EFL1: variants seen among roughly 807,000 people sequenced by gnomAD.
EFL1 encodes elongation factor like GTPase 1.
In EFL1, 76 loss-of-function variants were observed where a neutral mutation model predicts 126.7. The observed-to-expected ratio is 0.60, with a 90% CI of 0.50 to 0.73. The LOEUF is 0.73. Ranked by LOEUF, EFL1 falls within the 30% of genes least tolerant of loss-of-function variation. The pLI is 0.00. For synonymous variants in EFL1, 410 were observed against 448.4 expected, an observed-to-expected ratio of 0.91 and a Z score of 1.08; for missense variants, 1,128 against 1,343.2, an observed-to-expected ratio of 0.84 and a Z score of 2.50.
intron 15 of EFL1, among the ~76,000 whole-genome samples, chr15:82,208,665 C>T (rs73436926): frequency 0.013 from 2,011 of 151,852 alleles, 41 homozygotes; most frequent in African/African-American, 0.047. Context: ...AATTCAAGGA[C>T]GCCTTAATAA....
chr15:82,187,015 T>C (rs1842956218), intron 15 of EFL1, among the ~76,000 whole-genome samples: 1 of 152,208 alleles, frequency 6.6e-6, no homozygotes, highest in South Asian at 2.1e-4. Context: ...GAACTCTGAG[T>C]AGACATTACC....
intron 17 of EFL1, among the ~76,000 whole-genome samples, chr15:82,156,953 T>G (rs2073974718): frequency 6.6e-6 from 1 of 152,206 alleles, no homozygotes; most frequent in African/African-American, 2.4e-5. Flanking sequence ...TTCAAATATT[T>G]ATTGCTAGTT....
intron 7 of EFL1, 152 bp from the exon 8 acceptor site, chr15:82,231,123 A>G: frequency 4.3e-6 from 4 of 926,862 alleles, no homozygotes; most frequent in Non-Finnish European, 6.3e-6. Flanking sequence ...AATGAAGCAG[A>G]GATATCACAC....
At chr15:82,159,625 T>G (rs2074002607) in intron 16 of EFL1, among the ~76,000 whole-genome samples, 1 of 152,304 alleles carries the variant, frequency 6.6e-6, no homozygotes, top group East Asian at 1.9e-4. Flanking sequence ...ATTTGGAAGG[T>G]GATTTTCTTA....
chr15:82,135,853 G>A (rs1217577268), intron 19 of EFL1, among the ~76,000 whole-genome samples: 1 of 152,136 alleles, frequency 6.6e-6, no homozygotes, highest in Non-Finnish European at 1.5e-5. Context: ...GATGTGATGC[G>A]GGAGGTAGAA....
chr15:82,177,709 C>T (rs1220774969), intron 15 of EFL1, among the ~76,000 whole-genome samples: 1 of 152,170 alleles, frequency 6.6e-6, no homozygotes, highest in African/African-American at 2.4e-5. Context: ...CTACTGCTGC[C>T]TTTATTTATT....
intron 11 of EFL1, among the ~76,000 whole-genome samples, chr15:82,226,492 C>T (rs2074765322): frequency 6.6e-6 from 1 of 152,150 alleles, no homozygotes; most frequent in Admixed American, 6.5e-5. Context: ...CCATAGATGA[C>T]TCCAAGGTTT....
intron 19 of EFL1, among the ~76,000 whole-genome samples, chr15:82,138,118 C>T (rs74030919): frequency 1.8e-4 from 28 of 152,268 alleles, no homozygotes; most frequent in African/African-American, 6.0e-4. Flanking sequence ...GTAGCCATTT[C>T]GTTCCATTCT....
In EFL1 at chr15:82,227,701, A is replaced by G. The variant is rs116358125; in HGVS notation, c.1070-129T>C. Reference sequence around the variant, plus strand: ...CAGAAAATGCCTGTGCTACAAGGCAACACTGCTTTATGCATCACATCTCAA... The same window carrying G: ...CAGAAAATGCCTGTGCTACAAGGCAGCACTGCTTTATGCATCACATCTCAA... On this transcript the variant is annotated intron_variant, in intron 10 of 19. Coordinates refer to ENST00000268206, the MANE Select transcript of EFL1 (RefSeq NM_024580.6). 2,362 of 1,239,330 alleles carry G rather than the reference A, an allele frequency of 1.9e-3. 28 individuals are homozygous for G. The African/African-American group carries it at 0.031, about 16-fold the overall frequency. The allele number at this position is 1,239,330 out of a possible 1,614,324, so 76.8% of individuals were successfully genotyped here.
At chr15:82,210,224 A>G (rs1409947685) in intron 15 of EFL1, among the ~76,000 whole-genome samples, 5 of 152,222 alleles carry the variant, frequency 3.3e-5, no homozygotes, top group Admixed American at 2.6e-4. Context: ...AGCCACAAAT[A>G]CTTTGACATG....
intron 11 of EFL1, among the ~76,000 whole-genome samples, chr15:82,226,708 T>C (rs2074767915): frequency 6.6e-6 from 1 of 152,122 alleles, no homozygotes. Context: ...TCGTGGGAAT[T>C]ATGAGTATGT....
chr15:82,142,145 C>T (rs763327249), intron 18 of EFL1, among the ~76,000 whole-genome samples: 46 of 152,186 alleles, frequency 3.0e-4, no homozygotes, highest in Non-Finnish European at 5.9e-4. Context: ...ACTGCAAATA[C>T]TTTCATACCC....
At chr15:82,130,881 G>T (rs565847050) in intron 19 of EFL1, among the ~76,000 whole-genome samples, 1 of 152,204 alleles carries the variant, frequency 6.6e-6, no homozygotes, top group African/African-American at 2.4e-5. Context: ...TGGGTGGGGC[G>T]GCATGTGCCT....
chr15:82,158,586 G>C (rs1161555720), intron 16 of EFL1, among the ~76,000 whole-genome samples: 1 of 152,108 alleles, frequency 6.6e-6, no homozygotes, highest in Non-Finnish European at 1.5e-5. Flanking sequence ...TCTTAAAGAC[G>C]TTTTTATGCA....
In EFL1 at chr15:82,222,890, G is replaced by A. The variant is rs116152576; in HGVS notation, c.1292+2275C>T. 6.2e-3 allele frequency among the ~76,000 whole-genome samples: 944 copies of A among 152,278 alleles called. 12 individuals are homozygous for A. Among genetic ancestry groups the A allele is most frequent in the African/African-American group, 0.021 (877 of 41,556 alleles). On this transcript the variant is annotated intron_variant, in intron 12 of 19. Transcript: ENST00000268206. ...GAGACCAGAGGTGAGAATGTTGACCGAAGATTCAAATGTCAGGTTGGAAGG... is the reference window on the plus strand; with the variant it reads ...GAGACCAGAGGTGAGAATGTTGACCAAAGATTCAAATGTCAGGTTGGAAGG...
At chr15:82,167,826 T>A (rs538676413) in intron 15 of EFL1, among the ~76,000 whole-genome samples, 2 of 152,320 alleles carry the variant, frequency 1.3e-5, no homozygotes, top group African/African-American at 4.8e-5. Flanking sequence ...TTTTAAAAAT[T>A]TGTGGGAAAA....
intron 7 of EFL1, chr15:82,233,856 A>T (rs1409395161): frequency 6.6e-6 from 1 of 152,172 alleles, no homozygotes; most frequent in Non-Finnish European, 1.5e-5. Context: ...TGACACATGC[A>T]GCTGTCAACT....
intron 4 of EFL1, among the ~76,000 whole-genome samples, chr15:82,249,222 G>C (rs1281655157): frequency 6.6e-6 from 1 of 151,814 alleles, no homozygotes; most frequent in Non-Finnish European, 1.5e-5. Context: ...TAGAAGGCTT[G>C]CATCCACGAG....
At chr15:82,231,551 G>A (rs2074822354) in intron 7 of EFL1, among the ~76,000 whole-genome samples, 1 of 152,040 alleles carries the variant, frequency 6.6e-6, no homozygotes, top group African/African-American at 2.4e-5. Context: ...TACAGCATCT[G>A]CATTGTCTGG....
Sources: allele counts gnomAD v4.1 joint callset (sites outside exome capture counted in the v4.1 genomes callset), GRCh38; gene constraint gnomAD v4.1.1; transcripts MANE v1.5; gene names NCBI Gene and HGNC (gene_info 2026-07-23, HGNC 2026-07-21).